SHANK2: variants seen among roughly 807,000 people sequenced by gnomAD.
The protein encoded by SHANK2 is SH3 and multiple ankyrin repeat domains 2, also known as SH3 and multiple ankyrin repeat domains protein 2.
In SHANK2, 43 loss-of-function variants were observed where a neutral mutation model predicts 133.7. That is an observed-to-expected ratio of 0.32 (90% CI 0.25 to 0.41). SHANK2 has a LOEUF of 0.41. Among genes scored for constraint, SHANK2 ranks in the 10% least tolerant of loss-of-function variants. SHANK2 has a pLI of 1.00. For synonymous variants in SHANK2, 1,017 were observed against 952.8 expected (o/e 1.07, Z -1.24); for missense variants, 1,994 against 2,235.8 (o/e 0.89, Z 2.18).
intron 14 of SHANK2, among the ~76,000 whole-genome samples, chr11:70,717,296 A>G (rs1555027571): frequency 6.6e-6 from 1 of 152,140 alleles, no homozygotes; most frequent in Non-Finnish European, 1.5e-5. Flanking sequence ...GGTTAACCAC[A>G]GTGCTTACTA....
At chr11:71,174,571 T>A (rs1301192816) in intron 2 of SHANK2, 2 of 151,500 alleles carry the variant, frequency 1.3e-5, no homozygotes, top group African/African-American at 4.9e-5. Flanking sequence ...TCCCAGCTAC[T>A]TGGGAGGCTG....
chr11:70,688,703 G>C (rs1945209669), intron 15 of SHANK2, among the ~76,000 whole-genome samples: 1 of 152,206 alleles, frequency 6.6e-6, no homozygotes, highest in Non-Finnish European at 1.5e-5. Flanking sequence ...GGCAGGTGGA[G>C]AGGCTGGGAG....
At position 70,851,304 on chromosome 11, in the gene SHANK2, G is replaced by T. The variant is rs545986780; in HGVS notation, c.1175-30622C>A. ...CTGTTCTCCTGTCTTCCTCTGAAAT[G>T]TAACCTGGCCCTTCATCTGGTCACC... On this transcript the variant is annotated intron_variant, in intron 11 of 25. Coordinates refer to ENST00000601538, the MANE Select transcript of SHANK2 (RefSeq NM_012309.5). Among the ~76,000 whole-genome samples the T allele has an allele frequency of 9.8e-5, 15 of 152,318 alleles. No individual in the cohort carries two copies. The East Asian group carries it at 2.3e-3, about 24-fold the overall frequency.
intron 2 of SHANK2, among the ~76,000 whole-genome samples, chr11:71,196,997 CAAAAAAAAAAAAA>C (rs71467429): frequency 2.4e-5 from 2 of 81,916 alleles, no homozygotes; most frequent in African/African-American, 9.3e-5. Flanking sequence ...GACTCTGTCT[CAAAAAAAAAAAAA>C]AAAAAAAAAC....
chr11:70,637,569 G>A (rs915209636), intron 17 of SHANK2, among the ~76,000 whole-genome samples: 34 of 152,108 alleles, frequency 2.2e-4, no homozygotes, highest in Admixed American at 8.5e-4. Flanking sequence ...CCAACCCATC[G>A]GGAAGCAGCC....
At chr11:70,489,424 C>T in intron 23 of SHANK2, 76 bp from the exon 24 acceptor site, 1 of 1,461,762 alleles carries the variant, frequency 6.8e-7, no homozygotes, top group Non-Finnish European at 9.6e-7. Context: ...TTTGCTGGTG[C>T]AGGGGGAGCT....
At chr11:70,589,676 CT>C (rs1446228205) in intron 17 of SHANK2, among the ~76,000 whole-genome samples, 8 of 152,102 alleles carry the variant, frequency 5.3e-5, no homozygotes, top group African/African-American at 1.9e-4. Context: ...AATTGAAAAC[CT>C]TCTGGAAAGG....
chr11:70,580,381 G>T (rs1316665333), intron 17 of SHANK2, among the ~76,000 whole-genome samples: 2 of 152,232 alleles, frequency 1.3e-5, no homozygotes, highest in African/African-American at 2.4e-5. Flanking sequence ...CCAGCAGGGT[G>T]TCTCTGAACA....
chr11:70,893,989 T>C (rs572281612), intron 11 of SHANK2, among the ~76,000 whole-genome samples: 34 of 152,316 alleles, frequency 2.2e-4, no homozygotes, highest in African/African-American at 7.7e-4. Context: ...GTAATTAAAA[T>C]GTATTCGCCC....
intron 11 of SHANK2, among the ~76,000 whole-genome samples, chr11:70,867,017 G>T (rs1949372153): frequency 6.6e-6 from 1 of 151,716 alleles, no homozygotes; most frequent in South Asian, 2.1e-4. Context: ...ATGAAGCCAG[G>T]AGCCAAACGA....
chr11:70,929,978 C>G (rs1052796649), intron 10 of SHANK2, among the ~76,000 whole-genome samples: 18 of 152,182 alleles, frequency 1.2e-4, no homozygotes, highest in Admixed American at 7.2e-4. Flanking sequence ...AGAGAGTAAA[C>G]ACCTTCAGCT....
At chr11:71,204,432 G>A (rs1362409534) in intron 2 of SHANK2, among the ~76,000 whole-genome samples, 1 of 152,112 alleles carries the variant, frequency 6.6e-6, no homozygotes. Flanking sequence ...AAGTGAGCCT[G>A]TGCCAGGAAG....
At chr11:70,808,281 A>T (rs1948205700) in intron 12 of SHANK2, among the ~76,000 whole-genome samples, 1 of 152,084 alleles carries the variant, frequency 6.6e-6, no homozygotes, top group Non-Finnish European at 1.5e-5. Flanking sequence ...GGCTCACTGC[A>T]ACCTCTGCCT....
chr11:70,883,902 G>C (rs1417240679), intron 11 of SHANK2, among the ~76,000 whole-genome samples: 2 of 152,218 alleles, frequency 1.3e-5, no homozygotes, highest in Non-Finnish European at 2.9e-5. Flanking sequence ...ATCTGCCTTG[G>C]TCATGACCTT....
intron 10 of SHANK2, among the ~76,000 whole-genome samples, chr11:70,918,324 C>A (rs890649858): frequency 1.3e-5 from 2 of 152,156 alleles, no homozygotes; most frequent in East Asian, 1.9e-4. Context: ...ACCCTCTCCA[C>A]GGAGAGAGGC....
intron 10 of SHANK2, among the ~76,000 whole-genome samples, chr11:70,935,727 G>A (rs535115789): frequency 6.7e-6 from 1 of 149,402 alleles, no homozygotes; most frequent in Non-Finnish European, 1.5e-5. Context: ...AACAGACTCT[G>A]TCCTAACTAG....
chr11:70,711,685 G>A (rs565881859), intron 14 of SHANK2, among the ~76,000 whole-genome samples: 4 of 152,292 alleles, frequency 2.6e-5, no homozygotes, highest in East Asian at 1.9e-4. Context: ...ACAGAAGGGC[G>A]GGGACCCTGG....
chr11:70,724,483 T>C (rs1452304306), intron 14 of SHANK2, among the ~76,000 whole-genome samples: 1 of 152,230 alleles, frequency 6.6e-6, no homozygotes, highest in Non-Finnish European at 1.5e-5. Flanking sequence ...GAGGACTCCA[T>C]GTCACTAAGC....
chr11:71,216,006 C>A (rs1954403444), intron 2 of SHANK2, among the ~76,000 whole-genome samples: 1 of 151,022 alleles, frequency 6.6e-6, no homozygotes, highest in South Asian at 2.1e-4. Flanking sequence ...GCAAGTGGAG[C>A]CCTCATCCGA....
Sources: allele counts gnomAD v4.1 joint callset (sites outside exome capture counted in the v4.1 genomes callset), GRCh38; gene constraint gnomAD v4.1.1; transcripts MANE v1.5; gene names NCBI Gene and HGNC (gene_info 2026-07-23, HGNC 2026-07-21).